The following TENM1 variants were observed in gnomAD, a reference collection of about 807,000 sequenced individuals.
The protein encoded by TENM1 is teneurin-1.
TENM1 carries 35 observed loss-of-function variants against 174.8 expected under a neutral mutation model. The ratio of observed to expected loss-of-function variants is 0.20; its 90% CI spans 0.15 to 0.27. The LOEUF (loss-of-function observed/expected upper bound fraction) is 0.27, where lower values mean the gene tolerates loss of function less well. Among genes scored for constraint, TENM1 ranks in the 10% least tolerant of loss-of-function variants. The pLI is 1.00. For missense variants in TENM1, 1,633 were observed against 2,130.1 expected (o/e 0.77, Z 4.59); for synonymous variants, 781 against 798.7 (o/e 0.98, Z 0.37).
the TENM1 span, among the ~76,000 whole-genome samples, chrX:125,195,436 T>A: frequency 8.9e-6 from 1 of 112,129 alleles, no homozygotes; most frequent in African/African-American, 3.2e-5. Flanking sequence ...AATTACCAGT[T>A]AAAATACTTC....
At chrX:125,149,380 T>C in the TENM1 span, among the ~76,000 whole-genome samples, 3 of 112,200 alleles carry the variant, frequency 2.7e-5, no homozygotes, top group African/African-American at 6.5e-5. Flanking sequence ...CTATCTATAC[T>C]ATAGGTCTTG....
intron 23 of TENM1, among the ~76,000 whole-genome samples, chrX:124,429,707 T>C (rs2060756802): frequency 9.0e-6 from 1 of 111,351 alleles, no homozygotes; most frequent in South Asian, 3.9e-4. Flanking sequence ...GTGAATGAGT[T>C]CTAAATGTTT....
chrX:124,771,206 C>T (rs1569437080), intron 3 of TENM1, among the ~76,000 whole-genome samples: 1 of 112,662 alleles, frequency 8.9e-6, no homozygotes, highest in African/African-American at 3.2e-5. Flanking sequence ...ATGTAGCACA[C>T]AGAACTTTTA....
intron 3 of TENM1, among the ~76,000 whole-genome samples, chrX:124,787,232 A>T (rs1028638090): frequency 3.6e-5 from 4 of 111,749 alleles, no homozygotes; most frequent in African/African-American, 1.3e-4. Flanking sequence ...TCAGTCATTG[A>T]AGTTAATATT....
chrX:124,754,422 T>A (rs189970914), intron 3 of TENM1, among the ~76,000 whole-genome samples: 2 of 111,852 alleles, frequency 1.8e-5, no homozygotes, highest in Admixed American at 1.9e-4. Context: ...ATTTTGTTGA[T>A]CCTATCAAAA....
chrX:124,922,423 GGCTT>G (rs2058037273), intron 1 of TENM1, among the ~76,000 whole-genome samples: 2 of 110,396 alleles, frequency 1.8e-5, no homozygotes, highest in African/African-American at 6.6e-5. Flanking sequence ...ACCAGCTTTT[GGCTT>G]TGTTAATTGC....
chrX:125,156,861 T>C, the TENM1 span, among the ~76,000 whole-genome samples: 1 of 112,692 alleles, frequency 8.9e-6, no homozygotes, highest in Admixed American at 9.3e-5. Flanking sequence ...ATGTTGGTTT[T>C]TGAATGCCTG....
In TENM1 at chrX:124,596,656, T is replaced by C. The variant is rs758467889; in HGVS notation, c.2078-31096A>G. On this transcript the variant is annotated intron_variant, in intron 11 of 31. Coordinates refer to ENST00000422452, the Ensembl canonical transcript of TENM1. The stretch of plus-strand genomic sequence containing the variant: ...TGTGGCGATGGGGAAATGAAATAGA[T>C]AATATGTGTCGTAAGGAGAGTAAGA... 9.9e-5 allele frequency among the ~76,000 whole-genome samples: 11 copies of C among 111,418 alleles called. No homozygotes were observed. The East Asian group carries it at 2.3e-3, about 23-fold the overall frequency.
chrX:124,596,209 A>AG (rs928361333), intron 11 of TENM1, among the ~76,000 whole-genome samples: 2 of 97,906 alleles, frequency 2.0e-5, no homozygotes, highest in African/African-American at 4.0e-5. Context: ...CTGACTTAAG[A>AG]GAAAAAAAAA....
At chrX:124,582,236 A>T (rs1364453861) in intron 11 of TENM1, among the ~76,000 whole-genome samples, 5 of 112,430 alleles carry the variant, frequency 4.4e-5, no homozygotes, top group Admixed American at 9.4e-5. Flanking sequence ...AAGGCTGCAT[A>T]GTATTCCATG....
intron 23 of TENM1, among the ~76,000 whole-genome samples, chrX:124,426,814 C>T (rs754040515): frequency 8.9e-6 from 1 of 112,147 alleles, no homozygotes; most frequent in East Asian, 2.8e-4. Flanking sequence ...ATCGGATAAA[C>T]ATTAAACACC....
chrX:124,396,230 C>T (rs1461650417), intron 27 of TENM1, among the ~76,000 whole-genome samples: 4 of 108,935 alleles, frequency 3.7e-5, no homozygotes, highest in Non-Finnish European at 7.6e-5. Flanking sequence ...CAGGTTCCTC[C>T]CTGAGTCTCC....
the TENM1 span, among the ~76,000 whole-genome samples, chrX:125,105,001 T>C: frequency 8.9e-6 from 1 of 111,777 alleles, no homozygotes; most frequent in African/African-American, 3.3e-5. Context: ...CATTTCTCTA[T>C]AGTTTATGTA....
At chrX:125,078,817 A>ATAAAACATCATT in the TENM1 span, among the ~76,000 whole-genome samples, 1 of 112,171 alleles carries the variant, frequency 8.9e-6, no homozygotes, top group Non-Finnish European at 1.9e-5. Context: ...AATGGTTTAC[A>ATAAAACATCATT]TAAAACATCA....
chrX:124,786,091 G>A (rs975058386), intron 3 of TENM1, among the ~76,000 whole-genome samples: 7 of 110,858 alleles, frequency 6.3e-5, no homozygotes, highest in South Asian at 3.8e-4. Flanking sequence ...AATATACATC[G>A]TAAGAATGTT....
chrX:124,898,842 T>C (rs1404781549), intron 1 of TENM1, among the ~76,000 whole-genome samples: 1 of 112,087 alleles, frequency 8.9e-6, no homozygotes, highest in South Asian at 3.7e-4. Context: ...TGTAACTATA[T>C]CCTGCTTTGC....
intron 11 of TENM1, among the ~76,000 whole-genome samples, chrX:124,625,428 C>T (rs931581909): frequency 4.5e-5 from 5 of 110,319 alleles, no homozygotes; most frequent in Admixed American, 9.8e-5. Flanking sequence ...ATCATGGTGA[C>T]GACACTTAAT....
In TENM1 at chrX:124,961,554, G is replaced by C. The variant is rs999616269; in HGVS notation, c.217+1983C>G. Reference sequence around the variant, plus strand: ...AGCTACTCGGGAGGCTAAGGCACGAGAATCACTTGAGCCTACGAGGCAGAG... The same window carrying C: ...AGCTACTCGGGAGGCTAAGGCACGACAATCACTTGAGCCTACGAGGCAGAG... On this transcript the variant is annotated intron_variant, in intron 1 of 31. Coordinates refer to ENST00000422452, the Ensembl canonical transcript of TENM1. Among the ~76,000 whole-genome samples, 4 of 111,392 alleles carry C rather than the reference G, an allele frequency of 3.6e-5. No individual in the cohort carries two copies. The Admixed American group carries it at 3.8e-4, about 11-fold the overall frequency.
At chrX:124,428,251 C>A (rs1453594531) in intron 23 of TENM1, among the ~76,000 whole-genome samples, 1 of 111,846 alleles carries the variant, frequency 8.9e-6, no homozygotes. Flanking sequence ...TCTTCCTCTG[C>A]TAATTGAAAA....
Sources: gnomAD v4.1 joint callset for allele counts (sites outside exome capture counted in the v4.1 genomes callset) on GRCh38, gnomAD v4.1.1 for gene constraint, MANE v1.5 for transcripts, NCBI Gene and HGNC (gene_info 2026-07-23, HGNC 2026-07-21) for gene names.